The following FAM171A1 variants were observed in gnomAD, a reference collection of about 807,000 sequenced individuals.
The protein encoded by FAM171A1 is family with sequence similarity 171 member A1.
In FAM171A1, 23 loss-of-function variants were observed where a neutral mutation model predicts 74.9. The observed-to-expected ratio is 0.31, with a 90% CI of 0.22 to 0.44. The LOEUF is 0.44. Among genes scored for constraint, FAM171A1 ranks in the 20% least tolerant of loss-of-function variants. The pLI, the probability that FAM171A1 is intolerant of heterozygous loss-of-function variation, is 1.00. For missense variants in FAM171A1, 1,162 were observed against 1,159.2 expected (o/e 1.00, Z -0.03); for synonymous variants, 527 against 505.7 (o/e 1.04, Z -0.57).
intron 5 of FAM171A1, among the ~76,000 whole-genome samples, chr10:15,245,574 C>T (rs1204198047): frequency 6.6e-6 from 1 of 152,200 alleles, no homozygotes; most frequent in Non-Finnish European, 1.5e-5. Flanking sequence ...ACAGTGGGTA[C>T]TATTATTATT....
At chr10:15,319,160 T>C (rs1835456725) in intron 1 of FAM171A1, among the ~76,000 whole-genome samples, 1 of 152,230 alleles carries the variant, frequency 6.6e-6, no homozygotes, top group Non-Finnish European at 1.5e-5. Context: ...TGTCCATTTC[T>C]ACAGCATGCC....
At chr10:15,228,075 G>A (rs188334581) in intron 5 of FAM171A1, among the ~76,000 whole-genome samples, 2 of 152,174 alleles carry the variant, frequency 1.3e-5, no homozygotes, top group Non-Finnish European at 2.9e-5. Flanking sequence ...TATGAAAAAC[G>A]GCCCAAAACA....
intron 1 of FAM171A1, among the ~76,000 whole-genome samples, chr10:15,344,965 A>C (rs1406003970): frequency 6.6e-6 from 1 of 152,234 alleles, no homozygotes; most frequent in Non-Finnish European, 1.5e-5. Context: ...GCAGAAAGGA[A>C]ACACAGCTGA....
At chr10:15,340,111 A>G (rs1220280863) in intron 1 of FAM171A1, among the ~76,000 whole-genome samples, 1 of 151,504 alleles carries the variant, frequency 6.6e-6, no homozygotes, top group Non-Finnish European at 1.5e-5. Context: ...AAACCACAAC[A>G]CTCCCCTTCT....
chr10:15,370,804 G>C (rs1411576117), intron 1 of FAM171A1, 152 bp downstream of exon 1: 11 of 181,196 alleles, frequency 6.1e-5, no homozygotes, highest in Admixed American at 3.4e-4. Context: ...GGAGCGCGTT[G>C]CGGGTGCTGC....
Position 15,216,029 on chromosome 10 carries a change from A to G in FAM171A1, c.953T>C (p.Leu318Ser), listed in dbSNP as rs1365505085. 6.2e-7 allele frequency: 1 copy of G among 1,610,206 alleles called. No individual in the cohort carries two copies. The highest frequency in any genetic ancestry group is 8.5e-7 in the Non-Finnish European group (1 of 1,179,318). The part of the protein sequence containing the change: ...AILGGMAFIL[L>S]VLLCLLLYYC... The stretch of plus-strand genomic sequence containing the variant: ...ATATAAAAGGAGACACAGCAAAACC[A>G]AAAGTATGAAAGCCATTCCTCCTAA... The change falls in exon 7 of 8, where the codon TTG (leucine) becomes TCG (serine). Residue 318 changes from leucine (L) to serine (S), a missense_variant. By Grantham distance (145) the Leu-to-Ser change is moderately radical (BLOSUM62 -2). Coordinates refer to ENST00000378116, the MANE Select transcript of FAM171A1 (RefSeq NM_001010924.2).
chr10:15,269,939 G>A (rs376137780), intron 3 of FAM171A1, among the ~76,000 whole-genome samples: 76 of 152,284 alleles, frequency 5.0e-4, no homozygotes, highest in African/African-American at 1.7e-3. Context: ...CAAGATGGCC[G>A]AATAGGAACA....
intron 1 of FAM171A1, among the ~76,000 whole-genome samples, chr10:15,291,657 A>G (rs1295410730): frequency 6.6e-6 from 1 of 152,144 alleles, no homozygotes; most frequent in East Asian, 1.9e-4. Flanking sequence ...CCTTCACTCA[A>G]GTCCTTCAGT....
At chr10:15,323,100 G>A (rs947421461) in intron 1 of FAM171A1, among the ~76,000 whole-genome samples, 6 of 148,456 alleles carry the variant, frequency 4.0e-5, no homozygotes, top group Middle Eastern at 3.5e-3. Context: ...ACATCACACC[G>A]CTGCACTCCA....
chr10:15,213,716 C>A lies in FAM171A1; in HGVS notation c.1872G>T (p.Gly624=). 6.2e-7 allele frequency: 1 copy of A among 1,612,056 alleles called. No individual in the cohort carries two copies. Among genetic ancestry groups the A allele is most frequent in the Non-Finnish European group, 8.5e-7 (1 of 1,178,680 alleles). The change falls in exon 8 of 8, where the codon GGG becomes GGT. Residue 624 remains glycine (G), a synonymous_variant. Transcript: ENST00000378116. The surrounding 1 kb of genome is among the most constrained non-coding windows in gnomAD (Gnocchi z 6.8). ...LQAELSNPHA[G]IFPHPSSQIQ... ...TCTGTGAGGACGGGTGTGGGAAGAT[C>A]CCGGCATGGGGATTGGACAGCTCAG... is the stretch of plus-strand genomic sequence containing the variant.
chr10:15,261,152 G>A (rs960228367), intron 3 of FAM171A1, among the ~76,000 whole-genome samples: 2 of 152,220 alleles, frequency 1.3e-5, no homozygotes, highest in African/African-American at 4.8e-5. Flanking sequence ...AATGCCAATA[G>A]TAACCTTTTG....
At chr10:15,353,089 T>G (rs191898976) in intron 1 of FAM171A1, among the ~76,000 whole-genome samples, 27 of 152,332 alleles carry the variant, frequency 1.8e-4, no homozygotes, top group East Asian at 1.5e-3. Context: ...CTTACACCAG[T>G]TGCATGCATT....
intron 3 of FAM171A1, among the ~76,000 whole-genome samples, chr10:15,264,872 T>C (rs1019790393): frequency 6.6e-5 from 10 of 151,882 alleles, no homozygotes; most frequent in Non-Finnish European, 1.3e-4. Context: ...TTTATTTATC[T>C]ACATGGTAGT....
chr10:15,297,140 C>G (rs1268903891), intron 1 of FAM171A1, among the ~76,000 whole-genome samples: 2 of 151,916 alleles, frequency 1.3e-5, no homozygotes, highest in Admixed American at 1.3e-4. Flanking sequence ...TCACTGCAAC[C>G]TCTGCCTCCC....
At chr10:15,249,184 C>T (rs1834476569) in intron 4 of FAM171A1, among the ~76,000 whole-genome samples, 2 of 151,008 alleles carry the variant, frequency 1.3e-5, no homozygotes, top group Non-Finnish European at 2.9e-5. Context: ...GTAACCTCCA[C>T]CTCCTGGGTT....
chr10:15,213,916 C>T lies in FAM171A1; in HGVS notation c.1672G>A (p.Gly558Ser), dbSNP rs3814166. The change falls in exon 8 of 8, where the codon GGC becomes AGC. Residue 558 changes from glycine (G) to serine (S), a missense_variant. Physicochemically the swap from Gly to Ser is moderately conservative, Grantham distance 56. Coordinates refer to ENST00000378116, the MANE Select transcript of FAM171A1 (RefSeq NM_001010924.2). The surrounding 1 kb of genome is among the most constrained non-coding windows in gnomAD (Gnocchi z 6.8). ...ACAGAACTGCAGCAGATTAACTGGC[C>T]GGGCCGTGGGAAGGACGTAGGTCTC... ...LERPTSFPRP[G>S]QLICCSSVDQ... 544 of 1,614,134 alleles carry T rather than the reference C, an allele frequency of 3.4e-4. 2 individuals carry two copies. In the East Asian group the frequency reaches 0.01, roughly 30 times the overall value.
intron 2 of FAM171A1, among the ~76,000 whole-genome samples, chr10:15,280,696 A>C (rs1834957168): frequency 6.6e-6 from 1 of 152,210 alleles, no homozygotes; most frequent in South Asian, 2.1e-4. Context: ...TGTGCTGCAC[A>C]CGTGTGGGAA....
intron 2 of FAM171A1, among the ~76,000 whole-genome samples, chr10:15,277,822 T>C (rs1834913500): frequency 6.6e-6 from 1 of 152,048 alleles, no homozygotes; most frequent in Admixed American, 6.6e-5. Context: ...AGTGGTGCAA[T>C]CTTGGCTCAC....
At chr10:15,345,219 G>A (rs1417397148) in intron 1 of FAM171A1, among the ~76,000 whole-genome samples, 5 of 152,200 alleles carry the variant, frequency 3.3e-5, no homozygotes, top group African/African-American at 1.2e-4. Context: ...AGAAAACACT[G>A]CGCAGGACCA....
Sources: allele counts gnomAD v4.1 joint callset (sites outside exome capture counted in the v4.1 genomes callset), GRCh38; gene constraint gnomAD v4.1.1; non-coding constraint Gnocchi (gnomAD v3.1); transcripts MANE v1.5; gene names NCBI Gene and HGNC (gene_info 2026-07-23, HGNC 2026-07-21).